SH3BGR: variants seen among roughly 807,000 people sequenced by gnomAD.
SH3BGR encodes the protein SH3 domain-binding glutamic acid-rich protein.
SH3BGR carries 29 observed loss-of-function variants against 24.5 expected under a neutral mutation model. The ratio of observed to expected loss-of-function variants is 1.18; its 90% CI spans 0.88 to 1.61. The LOEUF is 1.61. Ranked by LOEUF, SH3BGR falls within the 40% of genes most tolerant of loss-of-function variation. The pLI, the probability that SH3BGR is intolerant of heterozygous loss-of-function variation, is 0.00. For missense variants in SH3BGR, 162 were observed against 205.8 expected, an observed-to-expected ratio of 0.79 and a Z score of 1.30; for synonymous variants, 55 against 65.7, an observed-to-expected ratio of 0.84 and a Z score of 0.79.
chr21:39,459,503 A>G (rs112111024), intron 1 of SH3BGR, among the ~76,000 whole-genome samples: 2 of 149,638 alleles, frequency 1.3e-5, no homozygotes, highest in East Asian at 2.0e-4. Context: ...GATTACAGGC[A>G]TGCACCGCCA....
Position 39,471,537 on chromosome 21 carries a change from ACT to A in SH3BGR, c.232-3597_232-3596del, listed in dbSNP as rs558536019. On this transcript the variant is annotated intron_variant, in intron 2 of 6. Transcript: ENST00000333634. ...TAAGACATCTGTTAGCTCTTCTCACACTGTTTTCATACAATAATATTTCCTCC... is the reference window on the plus strand; with the variant it reads ...TAAGACATCTGTTAGCTCTTCTCACAGTTTTCATACAATAATATTTCCTCC... Among the ~76,000 whole-genome samples, 292 of 152,144 alleles carry A rather than the reference ACT, an allele frequency of 1.9e-3. 3 individuals are homozygous for A. The highest frequency in any genetic ancestry group is 1.7e-3 in the Non-Finnish European group (114 of 67,986).
At chr21:39,484,319 G>A (rs1017375818) in intron 3 of SH3BGR, among the ~76,000 whole-genome samples, 10 of 152,232 alleles carry the variant, frequency 6.6e-5, no homozygotes, top group Admixed American at 5.9e-4. Context: ...TCTGAAATTC[G>A]AGGCAATAAT....
Position 39,510,365 on chromosome 21 carries a change from T to C in SH3BGR, c.436-1315T>C, listed in dbSNP as rs989126050. ...CCCAGAGATAACCACTGTAGCTACA[T>C]ACACACACACACACACACACACACA... On this transcript the variant is annotated intron_variant, in intron 5 of 6. Coordinates refer to ENST00000333634, the MANE Select transcript of SH3BGR (RefSeq NM_007341.3). Among the ~76,000 whole-genome samples the C allele has an allele frequency of 2.0e-4, 23 of 115,852 alleles. 1 individual carries two copies. The highest frequency in any genetic ancestry group is 4.9e-4 in the African/African-American group (15 of 30,866). 76.0% of individuals were successfully genotyped at this position (115,852 alleles called of 152,430 possible).
chr21:39,448,534 A>C (rs1319737506), upstream of SH3BGR, among the ~76,000 whole-genome samples: 1 of 152,138 alleles, frequency 6.6e-6, no homozygotes, highest in African/African-American at 2.4e-5. Context: ...GGACAAAATG[A>C]ACTCCTGTTT....
intron 3 of SH3BGR, among the ~76,000 whole-genome samples, chr21:39,499,272 A>G (rs200951497): frequency 6.7e-5 from 10 of 150,148 alleles, no homozygotes; most frequent in Admixed American, 6.6e-5. Flanking sequence ...CTATCTGTCT[A>G]TCTATCTATG....
At chr21:39,491,591 G>A (rs994647984) in intron 3 of SH3BGR, 8 of 247,504 alleles carry the variant, frequency 3.2e-5, no homozygotes, top group African/African-American at 1.6e-4. Flanking sequence ...GCAGGTCTAA[G>A]TAGGGGTGGA....
chr21:39,504,464 A>G (rs1225977697), intron 4 of SH3BGR, among the ~76,000 whole-genome samples: 2 of 152,116 alleles, frequency 1.3e-5, no homozygotes, highest in African/African-American at 4.8e-5. Flanking sequence ...ACCACCACGG[A>G]CACCTGTCCT....
At position 39,507,395 on chromosome 21, in the gene SH3BGR, G is replaced by A. The variant is rs74390279; in HGVS notation, c.406-1603G>A. 3.3e-5 allele frequency among the ~76,000 whole-genome samples: 5 copies of A among 151,636 alleles called. No individual in the cohort carries two copies. The East Asian group carries it at 9.8e-4, about 30-fold the overall frequency. On this transcript the variant is annotated intron_variant, in intron 4 of 6. Transcript: ENST00000333634. ...GTTGCTCAGGCTGGAGTGCAGTGGC[G>A]CAATCTTGACTCACCGCAACCTCCG...
At chr21:39,480,561 G>T (rs558077376) in intron 3 of SH3BGR, among the ~76,000 whole-genome samples, 1 of 152,210 alleles carries the variant, frequency 6.6e-6, no homozygotes, top group African/African-American at 2.4e-5. Flanking sequence ...TCCATGGCAC[G>T]AATGGATGGA....
chr21:39,479,325 G>GTGAC (rs1399682911), intron 3 of SH3BGR, among the ~76,000 whole-genome samples: 2 of 146,612 alleles, frequency 1.4e-5, no homozygotes, highest in African/African-American at 5.4e-5. Flanking sequence ...GGTGGTGGTG[G>GTGAC]AGTGGTAGAG....
chr21:39,465,550 A>G (rs1280896185), intron 2 of SH3BGR, among the ~76,000 whole-genome samples: 3 of 152,154 alleles, frequency 2.0e-5, no homozygotes, highest in Non-Finnish European at 4.4e-5. Flanking sequence ...TTGACTTAAT[A>G]ACTGCATCTC....
chr21:39,471,938 G>A (rs1367563037), intron 2 of SH3BGR, among the ~76,000 whole-genome samples: 1 of 151,830 alleles, frequency 6.6e-6, no homozygotes, highest in Non-Finnish European at 1.5e-5. Flanking sequence ...TTCTGTTTTC[G>A]AGTTTCTCTT....
intron 3 of SH3BGR, among the ~76,000 whole-genome samples, chr21:39,497,051 A>G (rs996020543): frequency 3.3e-5 from 5 of 151,938 alleles, no homozygotes; most frequent in African/African-American, 4.8e-5. Context: ...TGACTTTCCA[A>G]ATATTAAAAT....
At chr21:39,472,282 C>T (rs1160543779) in intron 2 of SH3BGR, among the ~76,000 whole-genome samples, 1 of 152,094 alleles carries the variant, frequency 6.6e-6, no homozygotes, top group Non-Finnish European at 1.5e-5. Context: ...CTGGCTGCAT[C>T]AAACATGGCT....
At chr21:39,504,911 C>T (rs982166171) in intron 4 of SH3BGR, among the ~76,000 whole-genome samples, 1 of 152,172 alleles carries the variant, frequency 6.6e-6, no homozygotes, top group Non-Finnish European at 1.5e-5. Context: ...ATAGTGGGCT[C>T]GAGTGATTCT....
intron 3 of SH3BGR, among the ~76,000 whole-genome samples, chr21:39,489,686 G>A (rs1380586684): frequency 2.0e-5 from 3 of 152,224 alleles, no homozygotes; most frequent in Non-Finnish European, 4.4e-5. Context: ...TCTCTGGGGA[G>A]CTGTTAAAGC....
At chr21:39,507,564 C>G (rs920478047) in intron 4 of SH3BGR, among the ~76,000 whole-genome samples, 1 of 152,156 alleles carries the variant, frequency 6.6e-6, no homozygotes, top group African/African-American at 2.4e-5. Context: ...AACTCCTGAT[C>G]TCAGGTGATC....
At chr21:39,484,495 T>C (rs1174622240) in intron 3 of SH3BGR, among the ~76,000 whole-genome samples, 1 of 152,264 alleles carries the variant, frequency 6.6e-6, no homozygotes, top group Non-Finnish European at 1.5e-5. Context: ...CAGCCTCTGC[T>C]GTGTTTTATC....
At chr21:39,453,412 T>G (rs1207154026) in intron 1 of SH3BGR, among the ~76,000 whole-genome samples, 1 of 152,142 alleles carries the variant, frequency 6.6e-6, no homozygotes, top group Non-Finnish European at 1.5e-5. Flanking sequence ...TAAAAAAATT[T>G]TTTTGGGGGG....
Sources: allele counts gnomAD v4.1 joint callset (sites outside exome capture counted in the v4.1 genomes callset), GRCh38; gene constraint gnomAD v4.1.1; transcripts MANE v1.5; gene names NCBI Gene and HGNC (gene_info 2026-07-23, HGNC 2026-07-21).